Variants in ADGRD1 observed in about 807,000 individuals in gnomAD.
ADGRD1 encodes adhesion G protein-coupled receptor D1, also known as G-protein coupled receptor 133.
Under a neutral mutation model 113.4 loss-of-function variants are expected in ADGRD1, and 77 were observed. The observed-to-expected ratio is 0.68, with a 90% CI of 0.57 to 0.82. The LOEUF (loss-of-function observed/expected upper bound fraction) is 0.82. ADGRD1 is among the 40% of genes least tolerant of loss of function. ADGRD1 has a pLI of 0.00. For synonymous variants in ADGRD1, 474 were observed against 475.0 expected (o/e 1.00, Z 0.03); for missense variants, 1,036 against 1,139.1 (o/e 0.91, Z 1.30).
At chr12:130,963,250 G>T (rs1465680813) in intron 2 of ADGRD1, among the ~76,000 whole-genome samples, 1 of 147,552 alleles carries the variant, frequency 6.8e-6, no homozygotes, top group African/African-American at 2.5e-5. Context: ...AACCCGGGAG[G>T]CGGAGCTTGC....
At chr12:130,959,094 G>A (rs1870045499) in intron 2 of ADGRD1, among the ~76,000 whole-genome samples, 1 of 152,320 alleles carries the variant, frequency 6.6e-6, no homozygotes, top group Admixed American at 6.5e-5. Context: ...CTCAGGTGCT[G>A]GGGGAGCCTT....
In ADGRD1 at chr12:131,027,419, A is replaced by G. The variant is rs748045672; in HGVS notation, c.1473+13079A>G. 1 of 152,182 alleles carries G rather than the reference A, an allele frequency of 6.6e-6. No homozygotes were observed. The highest frequency in any genetic ancestry group is 2.4e-5 in the African/African-American group (1 of 41,442). The allele number at this position is 152,182 out of a possible 1,614,324, so 9.4% of individuals were successfully genotyped here. A position where few individuals can be genotyped will look rare whatever the true frequency, so the allele number is the denominator to read the frequency against. On this transcript the variant is annotated intron_variant, in intron 13 of 24. Coordinates refer to ENST00000261654, the MANE Select transcript of ADGRD1 (RefSeq NM_198827.5). The surrounding 1 kb of genome is among the most constrained non-coding windows in gnomAD (Gnocchi z 5.1). ...TTTCCGTGCCAGTAGCTCAGACTGT[A>G]TCATCATTCTCACGGCTGCTTAATA...
rs181032113 is a variant in ADGRD1, at chr12:131,115,874, C to G, written c.2042-2511C>G. ...TAGACAGCTCATGTCATCCTCACAG[C>G]CTAGTGAGGAAGGCAACTCATTACG... On this transcript the variant is annotated intron_variant, in intron 18 of 24. Transcript: ENST00000261654. 2.0e-5 allele frequency among the ~76,000 whole-genome samples: 3 copies of G among 152,232 alleles called. No homozygotes were observed. The East Asian group carries it at 5.8e-4, about 29-fold the overall frequency.
At chr12:131,056,242 T>C (rs1027290117) in intron 13 of ADGRD1, among the ~76,000 whole-genome samples, 1 of 152,224 alleles carries the variant, frequency 6.6e-6, no homozygotes, top group Non-Finnish European at 1.5e-5. Flanking sequence ...AGACACACAT[T>C]AGAGGTTGTA....
intron 13 of ADGRD1, among the ~76,000 whole-genome samples, chr12:131,048,238 T>C (rs1452842423): frequency 2.6e-5 from 4 of 152,228 alleles, no homozygotes; most frequent in Admixed American, 1.3e-4. Flanking sequence ...GCAGTGCTTC[T>C]GACACTGTGA....
chr12:131,038,464 A>T (rs1881775215), intron 13 of ADGRD1, among the ~76,000 whole-genome samples: 1 of 152,204 alleles, frequency 6.6e-6, no homozygotes, highest in Non-Finnish European at 1.5e-5. Flanking sequence ...AGCCCTGCTT[A>T]TTCCCACCCA....
At position 131,139,452 on chromosome 12, in the gene ADGRD1, G is replaced by C; in HGVS notation, c.*189G>C. 2 of 575,296 alleles carry C rather than the reference G, an allele frequency of 3.5e-6. No homozygotes were observed. The highest frequency in any genetic ancestry group is 3.1e-6 in the Non-Finnish European group (1 of 318,468). The allele number at this position is 575,296 out of a possible 1,614,324, so 35.6% of individuals were successfully genotyped here. A position where few individuals can be genotyped will look rare whatever the true frequency, so the allele number is the denominator to read the frequency against. On this transcript the variant is annotated 3_prime_UTR_variant, in exon 25 of 25. Coordinates refer to ENST00000261654, the MANE Select transcript of ADGRD1 (RefSeq NM_198827.5). ...ACACTGCTCAGCCCAGCAGCCTGAT[G>C]CCCAGGCCAGCGTGGGCCCTCCTGC...
intron 2 of ADGRD1, among the ~76,000 whole-genome samples, chr12:130,958,858 T>G (rs1870004242): frequency 6.8e-6 from 1 of 147,084 alleles, no homozygotes; most frequent in Admixed American, 6.7e-5. Flanking sequence ...TTCAATGATT[T>G]TACATCATCC....
At chr12:131,119,186 G>A (rs1015725629) in intron 19 of ADGRD1, among the ~76,000 whole-genome samples, 3 of 152,310 alleles carry the variant, frequency 2.0e-5, no homozygotes, top group East Asian at 1.9e-4. Flanking sequence ...AAATATTGAC[G>A]GTGCTTACAA....
At chr12:131,012,495 A>G (rs535501208) in intron 12 of ADGRD1, among the ~76,000 whole-genome samples, 3 of 152,306 alleles carry the variant, frequency 2.0e-5, no homozygotes, top group South Asian at 2.1e-4. Context: ...CAGGGTGTTC[A>G]TTCTCTATGG....
rs1288857363 is a variant in ADGRD1, at chr12:130,966,607, G to A, written c.187+61G>A. ...GGGAATCCCAGGGCCATCAGGAGGCGTGGGTGCTGAGAGTGGCTGGCCTTG... is the reference window on the plus strand; with the variant it reads ...GGGAATCCCAGGGCCATCAGGAGGCATGGGTGCTGAGAGTGGCTGGCCTTG... On this transcript the variant is annotated intron_variant, in intron 3 of 24. Coordinates refer to ENST00000261654, the MANE Select transcript of ADGRD1 (RefSeq NM_198827.5). This position sits in a 1 kb window ranked among gnomAD's most constrained non-coding sequence, Gnocchi z 4.6. 15 of 1,035,110 alleles carry A rather than the reference G, an allele frequency of 1.4e-5. No individual in the cohort carries two copies. The highest frequency in any genetic ancestry group is 5.0e-5 in the South Asian group (4 of 79,332). The allele number at this position is 1,035,110 out of a possible 1,614,324, so 64.1% of individuals were successfully genotyped here.
intron 13 of ADGRD1, among the ~76,000 whole-genome samples, chr12:131,032,578 G>A (rs919367765): frequency 3.3e-5 from 5 of 152,192 alleles, no homozygotes; most frequent in East Asian, 1.9e-4. Context: ...GCAGCTCCAC[G>A]TGGTTGCTCA....
intron 8 of ADGRD1, among the ~76,000 whole-genome samples, chr12:130,996,419 T>A (rs1280453528): frequency 1.5e-5 from 1 of 67,190 alleles, no homozygotes; most frequent in East Asian, 3.6e-4. Context: ...ACCCCCCACC[T>A]CCCTCCCGGA....
At chr12:130,979,135 A>C (rs1872665709) in intron 4 of ADGRD1, among the ~76,000 whole-genome samples, 1 of 152,210 alleles carries the variant, frequency 6.6e-6, no homozygotes, top group Non-Finnish European at 1.5e-5. Flanking sequence ...TGCAACCCCC[A>C]CAGTCGCACC....
chr12:130,997,049 A>G (rs1309334), intron 8 of ADGRD1, among the ~76,000 whole-genome samples: 49 of 93,168 alleles, frequency 5.3e-4, no homozygotes, highest in South Asian at 9.0e-4. Context: ...GCGGCTGGCC[A>G]GGCAGAGGGG....
At position 131,019,488 on chromosome 12, in the gene ADGRD1, A is replaced by T. The variant is rs569336124; in HGVS notation, c.1473+5148A>T. ...CCAAAAGCTGAAGTTTTAATTCAAC[A>T]TTGAAATGTCAGTTTCCCAGGTCAA... On this transcript the variant is annotated intron_variant, in intron 13 of 24. Transcript: ENST00000261654. Among the ~76,000 whole-genome samples the T allele has an allele frequency of 2.6e-4, 40 of 152,390 alleles. 1 individual carries two copies. The highest frequency in any genetic ancestry group is 3.4e-3 in the Middle Eastern group (1 of 294).
Position 131,084,692 on chromosome 12 carries a change from A to G in ADGRD1, c.1671+29A>G. The G allele has an allele frequency of 6.2e-7, 1 of 1,611,616 alleles. No homozygotes were observed. The highest frequency in any genetic ancestry group is 1.1e-5 in the South Asian group (1 of 90,822). On this transcript the variant is annotated intron_variant, in intron 15 of 24. Coordinates refer to ENST00000261654, the MANE Select transcript of ADGRD1 (RefSeq NM_198827.5). This position sits in a 1 kb window ranked among gnomAD's most constrained non-coding sequence, Gnocchi z 4.5. The stretch of plus-strand genomic sequence containing the variant: ...AGAGCCAGGCCTCAGGGGTCGCGGG[A>G]CCTGGGGGACGTACCATGAGGCTGC...
At chr12:131,082,465 C>T (rs1420053807) in intron 14 of ADGRD1, among the ~76,000 whole-genome samples, 1 of 152,228 alleles carries the variant, frequency 6.6e-6, no homozygotes, top group East Asian at 1.9e-4. Flanking sequence ...CACACCTTTG[C>T]AGCTCCATCT....
At chr12:131,063,453 A>G (rs1049338263) in intron 13 of ADGRD1, among the ~76,000 whole-genome samples, 5 of 152,144 alleles carry the variant, frequency 3.3e-5, no homozygotes, top group African/African-American at 7.2e-5. Context: ...CATTTAATCT[A>G]TGGTCCATTT....
Sources: gnomAD v4.1 joint callset for allele counts (sites outside exome capture counted in the v4.1 genomes callset) on GRCh38, gnomAD v4.1.1 for gene constraint, Gnocchi (gnomAD v3.1) non-coding constraint, MANE v1.5 for transcripts, NCBI Gene and HGNC (gene_info 2026-07-23, HGNC 2026-07-21) for gene names.